UBE2H: variants seen among roughly 807,000 people sequenced by gnomAD.
The protein encoded by UBE2H is ubiquitin-conjugating enzyme E2 H.
Under a neutral mutation model 29.0 loss-of-function variants are expected in UBE2H, and 3 were observed. The observed-to-expected ratio is 0.10, with a 90% CI of 0.05 to 0.27. The LOEUF (loss-of-function observed/expected upper bound fraction) is 0.27. Among genes scored for constraint, UBE2H ranks in the 10% least tolerant of loss-of-function variants. The pLI is 1.00. For synonymous variants in UBE2H, 69 were observed against 82.9 expected, an observed-to-expected ratio of 0.83 and a Z score of 0.91; for missense variants, 68 against 228.2, an observed-to-expected ratio of 0.30 and a Z score of 4.52.
chr7:129,947,328 G>T (rs1394378267), intron 1 of UBE2H, among the ~76,000 whole-genome samples: 2 of 152,156 alleles, frequency 1.3e-5, no homozygotes, highest in African/African-American at 4.8e-5. Flanking sequence ...TTAACTTTTA[G>T]CTTGAAGACC....
chr7:129,838,345 C>T (rs2116263181), intron 6 of UBE2H, among the ~76,000 whole-genome samples: 1 of 152,328 alleles, frequency 6.6e-6, no homozygotes, highest in East Asian at 1.9e-4. Context: ...TGAAGACCTG[C>T]ACATTCAAGC....
rs1293931462 is a variant in UBE2H, at chr7:129,832,679, TCACA to T, written c.*2254_*2257del. The T allele has an allele frequency of 6.6e-6, 1 of 152,148 alleles. No individual in the cohort carries two copies. 9.4% of individuals were successfully genotyped at this position (152,148 alleles called of 1,614,324 possible). A position where few individuals can be genotyped will look rare whatever the true frequency, so the allele number is the denominator to read the frequency against. ...GTAAGGGGCAGAGTCATGGCACTGC[TCACA>T]CACCTTCCCGAAACTGGGGTCTATT... On this transcript the variant is annotated 3_prime_UTR_variant, in exon 7 of 7. Transcript: ENST00000355621.
intron 1 of UBE2H, among the ~76,000 whole-genome samples, chr7:129,946,063 T>TG (rs1263124789): frequency 1.2e-4 from 18 of 151,924 alleles, no homozygotes; most frequent in Non-Finnish European, 2.5e-4. Context: ...TATTATTTTT[T>TG]TTTTTTTGAG....
At chr7:129,927,004 G>T (rs929919607) in intron 1 of UBE2H, among the ~76,000 whole-genome samples, 1 of 152,114 alleles carries the variant, frequency 6.6e-6, no homozygotes, top group Non-Finnish European at 1.5e-5. Flanking sequence ...TCTATCTCCT[G>T]TCTCTATGAC....
chr7:129,889,937 AT>A (rs1469819214), intron 1 of UBE2H, among the ~76,000 whole-genome samples: 4 of 152,026 alleles, frequency 2.6e-5, no homozygotes, highest in Non-Finnish European at 5.9e-5. Flanking sequence ...AGAGACCAGC[AT>A]GGGCAACATA....
chr7:129,945,241 TA>T (rs903687101), intron 1 of UBE2H, among the ~76,000 whole-genome samples: 4 of 152,198 alleles, frequency 2.6e-5, no homozygotes, highest in Non-Finnish European at 5.9e-5. Context: ...TCACTTTAAA[TA>T]TGTACAGTTA....
intron 1 of UBE2H, among the ~76,000 whole-genome samples, chr7:129,891,471 C>G (rs537993541): frequency 1.3e-5 from 2 of 152,220 alleles, no homozygotes; most frequent in Non-Finnish European, 2.9e-5. Context: ...AGGTACCAGG[C>G]CCAGCAGCTG....
At chr7:129,889,547 T>C (rs1483888512) in intron 1 of UBE2H, among the ~76,000 whole-genome samples, 1 of 152,222 alleles carries the variant, frequency 6.6e-6, no homozygotes, top group Admixed American at 6.5e-5. Context: ...GGATATCCTA[T>C]TTACAACCAC....
At chr7:129,902,190 A>G (rs1335827362) in intron 1 of UBE2H, among the ~76,000 whole-genome samples, 6 of 152,190 alleles carry the variant, frequency 3.9e-5, no homozygotes, top group Admixed American at 1.3e-4. Flanking sequence ...TAAACTACAT[A>G]TAAGTCTCTT....
chr7:129,889,358 C>A (rs954506613), intron 1 of UBE2H, among the ~76,000 whole-genome samples: 3 of 152,230 alleles, frequency 2.0e-5, no homozygotes, highest in African/African-American at 7.2e-5. Flanking sequence ...GCCTTCACAG[C>A]TGAACAGACC....
intron 6 of UBE2H, among the ~76,000 whole-genome samples, chr7:129,835,518 T>C (rs1326653182): frequency 6.6e-6 from 1 of 152,216 alleles, no homozygotes; most frequent in African/African-American, 2.4e-5. Flanking sequence ...GAATCGATTT[T>C]AGTCTAAACA....
intron 1 of UBE2H, among the ~76,000 whole-genome samples, chr7:129,902,991 G>A (rs996013014): frequency 1.1e-4 from 17 of 152,138 alleles, no homozygotes; most frequent in Admixed American, 3.3e-4. Flanking sequence ...GTCCAAGGTC[G>A]GACTGCTATT....
intron 1 of UBE2H, among the ~76,000 whole-genome samples, chr7:129,894,290 C>T (rs1445583543): frequency 6.6e-6 from 1 of 152,012 alleles, no homozygotes; most frequent in African/African-American, 2.4e-5. Context: ...ACCATCTCTA[C>T]AAAAAATAAA....
At chr7:129,950,673 C>T (rs1807855880) in intron 1 of UBE2H, among the ~76,000 whole-genome samples, 1 of 152,168 alleles carries the variant, frequency 6.6e-6, no homozygotes. Flanking sequence ...GGTAGAAATT[C>T]GCATTAGGTG....
At chr7:129,879,982 A>G (rs1019466546) in intron 2 of UBE2H, among the ~76,000 whole-genome samples, 9 of 152,094 alleles carry the variant, frequency 5.9e-5, no homozygotes, top group African/African-American at 2.2e-4. Flanking sequence ...CCAAAAAGAA[A>G]ACAACAAAAA....
chr7:129,868,933 CTCTTTT>C (rs1187887473), intron 3 of UBE2H, among the ~76,000 whole-genome samples: 27 of 96,984 alleles, frequency 2.8e-4, no homozygotes, highest in Admixed American at 8.6e-4. Context: ...CTCTCTCTCT[CTCTTTT>C]TTTTTTTTTT....
At chr7:129,897,620 G>A (rs1030578852) in intron 1 of UBE2H, among the ~76,000 whole-genome samples, 2 of 152,156 alleles carry the variant, frequency 1.3e-5, no homozygotes, top group African/African-American at 4.8e-5. Flanking sequence ...ACTACAGATG[G>A]ATACACTAGA....
rs529680034 is a variant in UBE2H at position 129,881,260 on chromosome 7, T to C, written c.54-289A>G. 3.9e-5 allele frequency among the ~76,000 whole-genome samples: 6 copies of C among 152,330 alleles called. No individual in the cohort carries two copies. In the East Asian group the frequency reaches 1.2e-3, roughly 29 times the overall value. ...TTACTCCCTGAGTCTTTGTTTTCTC[T>C]TTGCAAATTGGGAAAACAGCATTTC... is the stretch of plus-strand genomic sequence containing the variant. On this transcript the variant is annotated intron_variant, in intron 1 of 6. Transcript: ENST00000355621.
chr7:129,914,940 A>G (rs1345040551), intron 1 of UBE2H, among the ~76,000 whole-genome samples: 1 of 152,186 alleles, frequency 6.6e-6, no homozygotes, highest in Non-Finnish European at 1.5e-5. Flanking sequence ...GTGCTAAAAA[A>G]CACAATGTCC....
Sources: allele counts gnomAD v4.1 joint callset (sites outside exome capture counted in the v4.1 genomes callset), GRCh38; gene constraint gnomAD v4.1.1; transcripts MANE v1.5; gene names NCBI Gene and HGNC (gene_info 2026-07-23, HGNC 2026-07-21).